The following KNTC1 variants were observed in gnomAD, a reference collection of about 807,000 sequenced individuals.
KNTC1 encodes the protein kinetochore associated 1.
A neutral mutation model predicts 314.4 loss-of-function variants in KNTC1; 253 were observed. The observed-to-expected ratio is 0.80, with a 90% CI of 0.73 to 0.89. KNTC1 has a LOEUF of 0.89. Among genes scored for constraint, KNTC1 ranks in the 40% least tolerant of loss-of-function variants. The probability of loss-of-function intolerance (pLI) is 0.00; values close to 1 mark genes in which losing one functional copy is unlikely to be tolerated. For synonymous variants in KNTC1, 901 were observed against 901.4 expected (o/e 1.00, Z 0.01); for missense variants, 2,475 against 2,572.9 (o/e 0.96, Z 0.82).
intron 48 of KNTC1, 123 bp from the exon 49 acceptor site, chr12:122,604,441 C>T: frequency 2.0e-6 from 1 of 502,426 alleles, no homozygotes; most frequent in East Asian, 3.8e-5. Context: ...GCCACTGTGC[C>T]CAGCCATGAG....
intron 60 of KNTC1, 137 bp downstream of exon 60, chr12:122,620,745 G>A (rs1874341306): frequency 3.5e-6 from 3 of 846,394 alleles, no homozygotes; most frequent in Non-Finnish European, 5.3e-6. Flanking sequence ...AGCTTGTATG[G>A]GGGCTTAGTG....
Position 122,584,285 on chromosome 12 carries a change from T to C in KNTC1, c.3271T>C (p.Phe1091Leu), listed in dbSNP as rs751308711. The stretch of plus-strand genomic sequence containing the variant: ...ACTTTCTTTCTTCCAAAGCGACTTG[T>C]TTAAGTATCACTGCAATGCTGACAC... ...KTALKKCSDLFKYHCNADTGK... is the reference protein window; with the variant it reads ...KTALKKCSDLLKYHCNADTGK... The change falls in exon 35 of 64, where the codon TTT (phenylalanine) becomes CTT (leucine). Residue 1091 changes from phenylalanine to leucine, a missense_variant. By Grantham distance (22) the Phe-to-Leu change is conservative. Transcript: ENST00000333479. 1.9e-6 allele frequency: 3 copies of C among 1,609,214 alleles called. No individual in the cohort carries two copies. The South Asian group carries it at 3.3e-5, about 18-fold the overall frequency.
rs778180060 is a variant in KNTC1, at chr12:122,613,639, T to C, written c.5755T>C (p.Cys1919Arg). Residue 1919 changes from cysteine to arginine, a missense_variant, in exon 55 of 64, where the codon TGT becomes CGT. By Grantham distance (180) the Cys-to-Arg change is radical. Coordinates refer to ENST00000333479, the MANE Select transcript of KNTC1 (RefSeq NM_014708.6). ...TCTGTTTTCCAGATCTTATTTGAGA[T>C]GTATAACTTTTCTGGCATCATTTGA... ...PIEEVKSYLR[C>R]ITFLASFETL... The C allele has an allele frequency of 2.5e-6, 4 of 1,608,638 alleles. No homozygotes were observed. The South Asian group carries it at 3.3e-5, about 13-fold the overall frequency.
chr12:122,560,651 C>T (rs903274056), intron 18 of KNTC1, among the ~76,000 whole-genome samples: 11 of 152,292 alleles, frequency 7.2e-5, no homozygotes, highest in Non-Finnish European at 1.5e-4. Flanking sequence ...GGATTACAGG[C>T]GTGAGCCACC....
intron 59 of KNTC1, chr12:122,620,140 G>A (rs10847298): frequency 0.32 from 49,086 of 154,110 alleles, 9,173 homozygotes; most frequent in Admixed American, 0.4. Flanking sequence ...TCGTACTCCA[G>A]CCTGGGTGAC....
intron 9 of KNTC1, among the ~76,000 whole-genome samples, 167 bp from the exon 10 acceptor site, chr12:122,546,455 G>T (rs1310928435): frequency 2.0e-5 from 3 of 152,142 alleles, no homozygotes; most frequent in Non-Finnish European, 2.9e-5. Context: ...TTCATTTTGG[G>T]AGGTTTTACA....
At position 122,551,379 on chromosome 12, in the gene KNTC1, C is replaced by G. The variant is rs747353093; in HGVS notation, c.1130+17C>G. 6.3e-7 allele frequency: 1 copy of G among 1,590,052 alleles called. No individual in the cohort carries two copies. The highest frequency in any genetic ancestry group is 8.6e-7 in the Non-Finnish European group (1 of 1,163,184). The stretch of plus-strand genomic sequence containing the variant: ...TGATCCAAAGTAGGTCATGTTTTAC[C>G]GTGTTAAGTAATAGCTATGTTAAAT... On this transcript the variant is annotated intron_variant, in intron 14 of 63. Transcript: ENST00000333479.
intron 48 of KNTC1, 115 bp from the exon 49 acceptor site, chr12:122,604,449 G>A (rs1382048712): frequency 1.9e-6 from 1 of 538,550 alleles, no homozygotes; most frequent in Non-Finnish European, 3.2e-6. Context: ...GCCCAGCCAT[G>A]AGTATGCATT....
intron 32 of KNTC1, 60 bp downstream of exon 32, chr12:122,580,037 A>C (rs944455035): frequency 1.7e-6 from 2 of 1,154,064 alleles, no homozygotes; most frequent in Admixed American, 1.9e-5. Flanking sequence ...CTCTTCAGAA[A>C]GAGGCATCGA....
chr12:122,573,955 T>G (rs1185465287), intron 26 of KNTC1, among the ~76,000 whole-genome samples: 1 of 152,184 alleles, frequency 6.6e-6, no homozygotes, highest in Non-Finnish European at 1.5e-5. Flanking sequence ...AAAGGGCTAT[T>G]GTGAGACCAC....
chr12:122,563,465 A>T (rs888679312), intron 20 of KNTC1, among the ~76,000 whole-genome samples: 2 of 152,154 alleles, frequency 1.3e-5, no homozygotes, highest in Admixed American at 6.6e-5. Context: ...ATTGCAAGGC[A>T]TTATAGAAAC....
intron 51 of KNTC1, among the ~76,000 whole-genome samples, chr12:122,606,222 CT>C (rs34344479): frequency 0.019 from 2,069 of 109,770 alleles, 12 homozygotes; most frequent in East Asian, 0.07. Flanking sequence ...AGATTGTTTA[CT>C]TTTTTTTTTT....
intron 3 of KNTC1, among the ~76,000 whole-genome samples, chr12:122,537,259 TTCCTCACC>T (rs1233429811): frequency 6.6e-6 from 1 of 152,168 alleles, no homozygotes; most frequent in African/African-American, 2.4e-5. Context: ...TTTGGCTAAC[TTCCTCACC>T]TCTTTCATGT....
chr12:122,528,731 A>G (rs927170598), intron 1 of KNTC1, among the ~76,000 whole-genome samples: 3 of 152,232 alleles, frequency 2.0e-5, no homozygotes, highest in Admixed American at 6.5e-5. Context: ...ATCTGCCTGT[A>G]TACTTTAAAT....
intron 53 of KNTC1, 22 bp from the exon 54 acceptor site, chr12:122,613,090 C>T (rs1443447805): frequency 1.4e-6 from 2 of 1,422,872 alleles, no homozygotes; most frequent in Non-Finnish European, 2.0e-6. Flanking sequence ...TTCAACTCTC[C>T]AAACCTCTTT....
At position 122,582,791 on chromosome 12, in the gene KNTC1, C is replaced by A; in HGVS notation, c.3069C>A (p.His1023Gln). ...TCCGTGAGCAGCACATTAAAGCTCA[C>A]GAAGTTGCACAGGCGAAACACAAAC... ...ADLREQHIKA[H>Q]EVAQAKHKPG... Residue 1023 changes from histidine (H) to glutamine (Q), a missense_variant, in exon 34 of 64, where the codon CAC becomes CAA. By Grantham distance (24) the His-to-Gln change is conservative. Transcript: ENST00000333479. 1.9e-6 allele frequency: 3 copies of A among 1,612,676 alleles called. No individual in the cohort carries two copies. The highest frequency in any genetic ancestry group is 8.5e-7 in the Non-Finnish European group (1 of 1,179,416).
chr12:122,548,295 C>G lies in KNTC1; in HGVS notation c.987+326C>G, dbSNP rs565342020. ...ACAATCTCGGCTCACTGCAACCCCC[C>G]ACCCCCTGGGTTCAAACGATTCTCC... is the stretch of plus-strand genomic sequence containing the variant. On this transcript the variant is annotated intron_variant, in intron 12 of 63. Coordinates refer to ENST00000333479, the MANE Select transcript of KNTC1 (RefSeq NM_014708.6). Among the ~76,000 whole-genome samples the G allele has an allele frequency of 1.9e-3, 294 of 152,170 alleles. 4 individuals are homozygous for G. The highest frequency in any genetic ancestry group is 6.8e-3 in the African/African-American group (283 of 41,528).
rs571863779 is a variant in KNTC1, at chr12:122,609,268, A to G, written c.5497-116A>G. The G allele has an allele frequency of 2.1e-4, 147 of 691,816 alleles. 1 individual carries two copies. The highest frequency in any genetic ancestry group is 2.0e-3 in the South Asian group (113 of 57,326). The allele number at this position is 691,816 out of a possible 1,614,324, so 42.9% of individuals were successfully genotyped here. ...TCATAATTTATGTTATAATTTTTCA[A>G]TGTAAACATAATATCGTATATTAGG... On this transcript the variant is annotated intron_variant, in intron 51 of 63. Coordinates refer to ENST00000333479, the MANE Select transcript of KNTC1 (RefSeq NM_014708.6).
intron 55 of KNTC1, 83 bp downstream of exon 55, chr12:122,613,844 T>TTGA (rs904786819): frequency 7.3e-7 from 1 of 1,361,696 alleles, no homozygotes; most frequent in African/African-American, 1.5e-5. Context: ...AGTCTTTTTG[T>TTGA]TGTTGTTGTT....
Sources: gnomAD v4.1 joint callset for allele counts (sites outside exome capture counted in the v4.1 genomes callset) on GRCh38, gnomAD v4.1.1 for gene constraint, MANE v1.5 for transcripts, NCBI Gene and HGNC (gene_info 2026-07-23, HGNC 2026-07-21) for gene names.